The following CCDC25 variants were observed in gnomAD, a reference collection of about 807,000 sequenced individuals.
CCDC25 encodes the protein coiled-coil domain-containing protein 25.
In CCDC25, 16 loss-of-function variants were observed where a neutral mutation model predicts 35.3. The observed-to-expected ratio is 0.45, with a 90% CI of 0.31 to 0.69. The LOEUF is 0.69. CCDC25 is among the 30% of genes least tolerant of loss of function. The pLI is 0.06. For synonymous variants in CCDC25, 79 were observed against 80.3 expected (o/e 0.98, Z 0.09); for missense variants, 179 against 250.7 (o/e 0.71, Z 1.93).
At chr8:27,771,088 A>T (rs1209871675) in intron 1 of CCDC25, among the ~76,000 whole-genome samples, 2 of 152,214 alleles carry the variant, frequency 1.3e-5, no homozygotes, top group Non-Finnish European at 2.9e-5. Context: ...AATTCTGATC[A>T]CTATTGCCTG....
chr8:27,766,894 TA>T (rs1238466123), intron 1 of CCDC25, among the ~76,000 whole-genome samples: 3 of 152,154 alleles, frequency 2.0e-5, no homozygotes, highest in Admixed American at 6.6e-5. Context: ...ATTCAATTTA[TA>T]AAAAATAAAT....
chr8:27,769,970 C>A (rs573332869), intron 1 of CCDC25, among the ~76,000 whole-genome samples: 1 of 152,080 alleles, frequency 6.6e-6, no homozygotes, highest in Non-Finnish European at 1.5e-5. Context: ...GGTGAAACCC[C>A]GTTTCTACTA....
chr8:27,765,521 A>G (rs1441437234), intron 1 of CCDC25, among the ~76,000 whole-genome samples: 1 of 152,168 alleles, frequency 6.6e-6, no homozygotes, highest in Non-Finnish European at 1.5e-5. Context: ...TCTGGCCCCA[A>G]AAGAGAAAGT....
At chr8:27,763,543 C>T (rs1804297194) in intron 2 of CCDC25, among the ~76,000 whole-genome samples, 1 of 152,112 alleles carries the variant, frequency 6.6e-6, no homozygotes, top group Admixed American at 6.5e-5. Context: ...CATGGTGAAA[C>T]CCCATCTCCA....
intron 1 of CCDC25, among the ~76,000 whole-genome samples, chr8:27,768,564 C>CAAA (rs368194540): frequency 3.8e-5 from 4 of 106,586 alleles, no homozygotes; most frequent in African/African-American, 7.1e-5. Context: ...GACTCCATCT[C>CAAA]AAAAAAAAAA....
intron 4 of CCDC25, chr8:27,752,804 TAATA>T: frequency 4.2e-6 from 1 of 237,774 alleles, no homozygotes; most frequent in African/African-American, 3.0e-5. Context: ...TATTGACACT[TAATA>T]AGTAAAAAAA....
At chr8:27,760,240 C>T (rs1466668525) in intron 3 of CCDC25, among the ~76,000 whole-genome samples, 1 of 152,208 alleles carries the variant, frequency 6.6e-6, no homozygotes, top group African/African-American at 2.4e-5. Context: ...CTGGAAATTT[C>T]TCTTCCATTT....
intron 4 of CCDC25, chr8:27,752,825 G>C (rs1272757574): frequency 1.3e-5 from 3 of 222,320 alleles, no homozygotes; most frequent in East Asian, 7.7e-5. Flanking sequence ...AAAAAAAAAA[G>C]CAAAAAAAAA....
chr8:27,745,055 G>C (rs1225716727), intron 7 of CCDC25, among the ~76,000 whole-genome samples: 3 of 152,078 alleles, frequency 2.0e-5, no homozygotes, highest in East Asian at 1.9e-4. Context: ...ACACAGGATG[G>C]AATGCAGTGA....
At chr8:27,765,088 T>C (rs1297626662) in intron 2 of CCDC25, 116 bp downstream of exon 2, 1 of 895,672 alleles carries the variant, frequency 1.1e-6, no homozygotes, top group Non-Finnish European at 1.7e-6. Flanking sequence ...AGCTAGTTTA[T>C]CAAAGTAGGT....
chr8:27,733,479 G>A lies in CCDC25; in HGVS notation c.*2737C>T, dbSNP rs929170472. On this transcript the variant is annotated 3_prime_UTR_variant, in exon 9 of 9. Transcript: ENST00000356537. ...GTGCCCGGCAGGAAGGAGCTCTCAC[G>A]AAGTGCCAGCTGGATGTGAGCTTGC... is the stretch of plus-strand genomic sequence containing the variant. 3.3e-5 allele frequency: 5 copies of A among 152,242 alleles called. No individual in the cohort carries two copies. Among genetic ancestry groups the A allele is most frequent in the African/African-American group, 1.2e-4 (5 of 41,438 alleles). The allele number at this position is 152,242 out of a possible 1,614,324, so 9.4% of individuals were successfully genotyped here.
intron 3 of CCDC25, 66 bp from the exon 4 acceptor site, chr8:27,756,836 A>G (rs1345668389): frequency 9.1e-7 from 1 of 1,095,268 alleles, no homozygotes; most frequent in African/African-American, 1.5e-5. Context: ...GCCACATGCC[A>G]TTTAAAGCAT....
rs1233310256 is a variant in CCDC25 at position 27,733,699 on chromosome 8, ATT to A, written c.*2515_*2516del. On this transcript the variant is annotated 3_prime_UTR_variant, in exon 9 of 9. Coordinates refer to ENST00000356537, the MANE Select transcript of CCDC25 (RefSeq NM_018246.3). ...TAATATGATCATTTTGAATATGGAA[ATT>A]TGTTATTTACATGCTGTACCTCAAA... 3 of 152,198 alleles carry A rather than the reference ATT, an allele frequency of 2.0e-5. No homozygotes were observed. The highest frequency in any genetic ancestry group is 7.2e-5 in the African/African-American group (3 of 41,444). The allele number at this position is 152,198 out of a possible 1,614,324, so 9.4% of individuals were successfully genotyped here.
At chr8:27,752,299 C>G (rs1437891755) in intron 5 of CCDC25, among the ~76,000 whole-genome samples, 1 of 152,148 alleles carries the variant, frequency 6.6e-6, no homozygotes, top group African/African-American at 2.4e-5. Context: ...TTAGACAGGA[C>G]GGTCAAAATG....
rs540646107 is a variant in CCDC25 at position 27,736,139 on chromosome 8, A to G, written c.*77T>C. 14 of 1,394,022 alleles carry G rather than the reference A, an allele frequency of 1.0e-5. No individual in the cohort carries two copies. The South Asian group carries it at 1.5e-4, about 15-fold the overall frequency. The allele number at this position is 1,394,022 out of a possible 1,614,324, so 86.4% of individuals were successfully genotyped here. On this transcript the variant is annotated 3_prime_UTR_variant, in exon 9 of 9. Transcript: ENST00000356537. The stretch of plus-strand genomic sequence containing the variant: ...ATTTTGGTTGTATTTTATATTTCAG[A>G]ACACAGATGAAACCAAAAGGTCTGC...
Position 27,733,459 on chromosome 8 carries a change from C to T in CCDC25, c.*2757G>A, listed in dbSNP as rs1180791294. ...TGCCCACGCTGAACTCACACGTGCC[C>T]GGCAGGAAGGAGCTCTCACGAAGTG... On this transcript the variant is annotated 3_prime_UTR_variant, in exon 9 of 9. Transcript: ENST00000356537. 1 of 152,204 alleles carries T rather than the reference C, an allele frequency of 6.6e-6. No individual in the cohort carries two copies. The highest frequency in any genetic ancestry group is 2.4e-5 in the African/African-American group (1 of 41,428). 9.4% of individuals were successfully genotyped at this position (152,204 alleles called of 1,614,324 possible).
chr8:27,744,322 A>G (rs1158260919), intron 7 of CCDC25, among the ~76,000 whole-genome samples: 2 of 152,216 alleles, frequency 1.3e-5, no homozygotes, highest in East Asian at 1.9e-4. Flanking sequence ...ACGTATGACT[A>G]GTCACTCACT....
At chr8:27,760,595 C>A (rs760966840) in intron 3 of CCDC25, among the ~76,000 whole-genome samples, 4 of 152,134 alleles carry the variant, frequency 2.6e-5, no homozygotes, top group Non-Finnish European at 2.9e-5. Flanking sequence ...TGTGCCAGGA[C>A]CTATGCTAGG....
chr8:27,764,987 A>G (rs1310116624), intron 2 of CCDC25, among the ~76,000 whole-genome samples: 2 of 152,244 alleles, frequency 1.3e-5, no homozygotes, highest in Non-Finnish European at 2.9e-5. Context: ...CCCATAAATC[A>G]TCACAAGTAA....
Sources: gnomAD v4.1 joint callset for allele counts (sites outside exome capture counted in the v4.1 genomes callset) on GRCh38, gnomAD v4.1.1 for gene constraint, MANE v1.5 for transcripts, NCBI Gene and HGNC (gene_info 2026-07-23, HGNC 2026-07-21) for gene names.